KIAA0319: variants seen among roughly 807,000 people sequenced by gnomAD.
The protein encoded by KIAA0319 is dyslexia-associated protein KIAA0319.
KIAA0319 carries 83 observed loss-of-function variants against 108.4 expected under a neutral mutation model. That is an observed-to-expected ratio of 0.77 (90% confidence interval 0.64 to 0.92). KIAA0319 has a LOEUF of 0.92. Ranked by LOEUF, KIAA0319 falls within the 40% of genes least tolerant of loss-of-function variation. The pLI, the probability that KIAA0319 is intolerant of heterozygous loss-of-function variation, is 0.00. For synonymous variants in KIAA0319, 484 were observed against 510.4 expected, an observed-to-expected ratio of 0.95 and a Z score of 0.70; for missense variants, 1,195 against 1,322.4, an observed-to-expected ratio of 0.90 and a Z score of 1.49.
At chr6:24,582,919 C>T (rs145720196) in intron 5 of KIAA0319, 188 of 198,436 alleles carry the variant, frequency 9.5e-4, no homozygotes, top group Middle Eastern at 4.9e-3. Flanking sequence ...TATAAGGTAC[C>T]TCACCTCAAA....
intron 16 of KIAA0319, among the ~76,000 whole-genome samples, chr6:24,561,161 T>C (rs1165623431): frequency 6.6e-6 from 1 of 152,230 alleles, no homozygotes; most frequent in Admixed American, 6.5e-5. Context: ...TTGTTGTAGA[T>C]TTTTGCTTCT....
At chr6:24,627,338 A>G (rs1214570811) in intron 1 of KIAA0319, among the ~76,000 whole-genome samples, 1 of 152,160 alleles carries the variant, frequency 6.6e-6, no homozygotes, top group East Asian at 1.9e-4. Flanking sequence ...GTAATGTGCT[A>G]CCTGATAACC....
intron 1 of KIAA0319, among the ~76,000 whole-genome samples, chr6:24,626,562 T>C (rs1054672740): frequency 1.3e-5 from 2 of 152,120 alleles, no homozygotes; most frequent in African/African-American, 2.4e-5. Context: ...TGTTTTGAAA[T>C]TGATGGTTGG....
At chr6:24,569,074 T>TA in intron 12 of KIAA0319, 145 bp from the exon 13 acceptor site, 1 of 803,686 alleles carries the variant, frequency 1.2e-6, no homozygotes, top group Non-Finnish European at 1.9e-6. Context: ...CATTCATCTG[T>TA]ACTCTCTAGT....
In KIAA0319 at chr6:24,563,377, C is replaced by A. The variant is rs146059101; in HGVS notation, c.2573G>T (p.Arg858Leu). The change falls in exon 16 of 21, where the codon CGG (arginine) becomes CTG (leucine). Residue 858 changes from arginine to leucine, a missense_variant. Coordinates refer to ENST00000378214, the MANE Select transcript of KIAA0319 (RefSeq NM_014809.4). ...LDSDIKVQKI[R>L]AHSDLSTVIV... is the part of the protein sequence containing the mutation. ...CTCCTACCTGAGATCCGAGTGGGCC[C>A]GAATCTTCTGGACCTTAATGTCCGA... 7.4e-6 allele frequency: 12 copies of A among 1,613,136 alleles called. No individual in the cohort carries two copies. The highest frequency in any genetic ancestry group is 5.9e-6 in the Non-Finnish European group (7 of 1,179,516).
intron 1 of KIAA0319, among the ~76,000 whole-genome samples, chr6:24,614,955 A>C (rs574226028): frequency 2.6e-5 from 4 of 152,148 alleles, no homozygotes. Flanking sequence ...GGTTGCAACT[A>C]TATCCCCAGG....
intron 3 of KIAA0319, among the ~76,000 whole-genome samples, chr6:24,593,386 CTTTTT>C (rs58826962): frequency 5.0e-5 from 4 of 79,362 alleles, no homozygotes; most frequent in African/African-American, 9.4e-5. Flanking sequence ...GAATAATTAT[CTTTTT>C]TTTTTTTTTT....
rs562722168 is a variant in KIAA0319, at chr6:24,598,134, G to T, written c.56-1516C>A. ...TCAGCTCCTTGAGCTTCTCTCGAGTGGGCAGCAGCAGCAGCTTCCAAGGTG... is the reference window on the plus strand; with the variant it reads ...TCAGCTCCTTGAGCTTCTCTCGAGTTGGCAGCAGCAGCAGCTTCCAAGGTG... On this transcript the variant is annotated intron_variant, in intron 2 of 20. Coordinates refer to ENST00000378214, the MANE Select transcript of KIAA0319 (RefSeq NM_014809.4). 5.9e-4 allele frequency: 264 copies of T among 447,176 alleles called. 1 individual carries two copies. The highest frequency in any genetic ancestry group is 5.1e-3 in the African/African-American group (254 of 49,894). The allele number at this position is 447,176 out of a possible 1,614,324, so 27.7% of individuals were successfully genotyped here.
chr6:24,563,156 A>ATGTT (rs1763326696), intron 16 of KIAA0319, among the ~76,000 whole-genome samples: 1 of 152,220 alleles, frequency 6.6e-6, no homozygotes, highest in Non-Finnish European at 1.5e-5. Flanking sequence ...CAATCAGCAA[A>ATGTT]CATTTACTGA....
At chr6:24,584,853 C>A (rs1767204885) in intron 4 of KIAA0319, among the ~76,000 whole-genome samples, 2 of 152,180 alleles carry the variant, frequency 1.3e-5, no homozygotes, top group South Asian at 4.1e-4. Context: ...TTCATTTAAT[C>A]CTCATTACAA....
chr6:24,540,460 G>A (rs979702548), downstream of KIAA0319, among the ~76,000 whole-genome samples: 3 of 152,154 alleles, frequency 2.0e-5, no homozygotes, highest in Non-Finnish European at 4.4e-5. Flanking sequence ...GACCGTATAA[G>A]CCTATGTGCT....
intron 4 of KIAA0319, among the ~76,000 whole-genome samples, chr6:24,588,182 T>C (rs530438074): frequency 6.6e-6 from 1 of 152,356 alleles, no homozygotes; most frequent in South Asian, 2.1e-4. Context: ...GTAAATACAA[T>C]GATCACGATT....
chr6:24,614,971 T>C (rs1042584629), intron 1 of KIAA0319, among the ~76,000 whole-genome samples: 12 of 152,282 alleles, frequency 7.9e-5, no homozygotes, highest in African/African-American at 2.4e-4. Context: ...CCAGGAACTA[T>C]AGGAGGGGTT....
At chr6:24,644,458 A>C (rs972868253) in intron 1 of KIAA0319, among the ~76,000 whole-genome samples, 21 of 151,924 alleles carry the variant, frequency 1.4e-4, no homozygotes, top group Non-Finnish European at 2.4e-4. Flanking sequence ...TAGGAACTTA[A>C]CTCTTGTTTA....
intron 18 of KIAA0319, among the ~76,000 whole-genome samples, chr6:24,555,814 G>C (rs1762211939): frequency 6.6e-6 from 1 of 152,134 alleles, no homozygotes; most frequent in African/African-American, 2.4e-5. Flanking sequence ...TTCTTTACCT[G>C]ATTCTAGAAG....
At chr6:24,595,256 C>A (rs1012895342) in intron 3 of KIAA0319, among the ~76,000 whole-genome samples, 4 of 151,994 alleles carry the variant, frequency 2.6e-5, no homozygotes, top group Non-Finnish European at 5.9e-5. Context: ...CCTTAAATGT[C>A]GCTAGAGTAT....
chr6:24,584,309 T>C (rs1051696395), intron 4 of KIAA0319, among the ~76,000 whole-genome samples: 2 of 152,142 alleles, frequency 1.3e-5, no homozygotes, highest in Non-Finnish European at 2.9e-5. Flanking sequence ...GTTTACTTTC[T>C]CTGTAACCAG....
intron 1 of KIAA0319, among the ~76,000 whole-genome samples, chr6:24,620,648 G>C (rs555775843): frequency 6.6e-6 from 1 of 152,188 alleles, no homozygotes; most frequent in African/African-American, 2.4e-5. Flanking sequence ...TTTCCCTAAA[G>C]ACAACTGTAT....
rs1304120143 is a variant in KIAA0319, at chr6:24,545,391, C to G, written c.*1774G>C. 7 of 152,128 alleles carry G rather than the reference C, an allele frequency of 4.6e-5. No homozygotes were observed. The highest frequency in any genetic ancestry group is 1.5e-5 in the Non-Finnish European group (1 of 68,028). 9.4% of individuals were successfully genotyped at this position (152,128 alleles called of 1,614,324 possible). On this transcript the variant is annotated 3_prime_UTR_variant, in exon 21 of 21. Transcript: ENST00000378214. The stretch of plus-strand genomic sequence containing the variant: ...ACATAAAGCGGTAAATGTTCACTCC[C>G]TTCTTCCTCATTACGCCCGATGACT...
Sources: allele counts gnomAD v4.1 joint callset (sites outside exome capture counted in the v4.1 genomes callset), GRCh38; gene constraint gnomAD v4.1.1; transcripts MANE v1.5; gene names NCBI Gene and HGNC (gene_info 2026-07-23, HGNC 2026-07-21).